The following CORO2B variants were observed in gnomAD, a reference collection of about 807,000 sequenced individuals.
The protein encoded by CORO2B is coronin-2B.
A neutral mutation model predicts 58.8 loss-of-function variants in CORO2B; 26 were observed. The observed-to-expected ratio is 0.44, with a 90% CI of 0.32 to 0.61. CORO2B has a LOEUF of 0.61. Among genes scored for constraint, CORO2B ranks in the 20% least tolerant of loss-of-function variants. The pLI is 0.04. For missense variants in CORO2B, 460 were observed against 645.1 expected (o/e 0.71, Z 3.11); for synonymous variants, 242 against 253.8 (o/e 0.95, Z 0.44).
At chr15:68,562,694 G>A in the CORO2B span, among the ~76,000 whole-genome samples, 1 of 152,246 alleles carries the variant, frequency 6.6e-6, no homozygotes, top group Non-Finnish European at 1.5e-5. Context: ...ATGAAAACAG[G>A]CCAGGCACGG....
At chr15:68,637,339 A>G (rs1231714534) in intron 1 of CORO2B, among the ~76,000 whole-genome samples, 1 of 152,220 alleles carries the variant, frequency 6.6e-6, no homozygotes, top group Non-Finnish European at 1.5e-5. Flanking sequence ...CTCCTCCAGT[A>G]TGGAAACATG....
chr15:68,657,891 C>A (rs972260774), intron 2 of CORO2B, among the ~76,000 whole-genome samples: 2 of 152,126 alleles, frequency 1.3e-5, no homozygotes, highest in Non-Finnish European at 2.9e-5. Context: ...AGATTAAAGA[C>A]CTTGGAAATA....
the CORO2B span, among the ~76,000 whole-genome samples, chr15:68,536,336 A>C: frequency 6.6e-6 from 1 of 152,222 alleles, no homozygotes; most frequent in Non-Finnish European, 1.5e-5. Flanking sequence ...TGTGACTTGC[A>C]AAGGTTGGTT....
intron 1 of CORO2B, among the ~76,000 whole-genome samples, chr15:68,621,495 G>A (rs79806506): frequency 6.6e-6 from 1 of 152,186 alleles, no homozygotes; most frequent in Non-Finnish European, 1.5e-5. Flanking sequence ...AAGGGGACCT[G>A]CCCAGGGTTC....
chr15:68,543,474 G>C, the CORO2B span, among the ~76,000 whole-genome samples: 4 of 152,170 alleles, frequency 2.6e-5, no homozygotes, highest in African/African-American at 9.7e-5. Flanking sequence ...CAGAGACAGA[G>C]GATAAGAGCA....
chr15:68,587,321 A>C (rs140195588), intron 1 of CORO2B, among the ~76,000 whole-genome samples: 1 of 152,276 alleles, frequency 6.6e-6, no homozygotes, highest in East Asian at 1.9e-4. Flanking sequence ...TGTCCCCTGT[A>C]TGAGATAAGT....
the CORO2B span, among the ~76,000 whole-genome samples, chr15:68,549,877 G>A: frequency 6.6e-6 from 1 of 151,966 alleles, no homozygotes; most frequent in African/African-American, 2.4e-5. Context: ...GAAGATGGAG[G>A]TTGCAGTGAG....
chr15:68,609,972 A>T (rs566427716), intron 1 of CORO2B, among the ~76,000 whole-genome samples: 1 of 152,176 alleles, frequency 6.6e-6, no homozygotes, highest in South Asian at 2.1e-4. Context: ...TAATTGTGCA[A>T]CCAGCCTCTC....
At chr15:68,630,270 A>G (rs898086960) in intron 1 of CORO2B, among the ~76,000 whole-genome samples, 10 of 152,156 alleles carry the variant, frequency 6.6e-5, no homozygotes, top group African/African-American at 2.4e-4. Flanking sequence ...GGCAGCATGA[A>G]CTTGACTATC....
the CORO2B span, among the ~76,000 whole-genome samples, chr15:68,537,519 A>G: frequency 6.6e-6 from 1 of 152,118 alleles, no homozygotes; most frequent in Non-Finnish European, 1.5e-5. Flanking sequence ...TCTATGGTAC[A>G]TGTGCAGGGT....
intron 2 of CORO2B, among the ~76,000 whole-genome samples, chr15:68,649,297 A>G (rs1210054851): frequency 6.6e-6 from 1 of 152,184 alleles, no homozygotes; most frequent in Non-Finnish European, 1.5e-5. Context: ...TTGATTAATC[A>G]TGGACTTATT....
the CORO2B span, among the ~76,000 whole-genome samples, chr15:68,570,268 G>A: frequency 4.6e-5 from 7 of 152,280 alleles, no homozygotes; most frequent in East Asian, 1.2e-3. Context: ...TGGGATCCTC[G>A]GAAGGAGCAA....
At chr15:68,622,372 T>C (rs1433827816) in intron 1 of CORO2B, among the ~76,000 whole-genome samples, 1 of 152,164 alleles carries the variant, frequency 6.6e-6, no homozygotes, top group African/African-American at 2.4e-5. Context: ...GGGGAAGACA[T>C]GCCTGATGCT....
chr15:68,725,918 A>G lies in CORO2B; in HGVS notation c.1387A>G (p.Ile463Val), dbSNP rs143153155. 1.2e-6 allele frequency: 2 copies of G among 1,613,928 alleles called. No individual in the cohort carries two copies. The highest frequency in any genetic ancestry group is 1.3e-5 in the African/African-American group (1 of 74,900). Reference sequence around the variant, plus strand: ...GGAGCTGGCCCAGAAGGACATCCGCATTCGGCAGCTCCAGCTGGAACTGAA... The same window carrying G: ...GGAGCTGGCCCAGAAGGACATCCGCGTTCGGCAGCTCCAGCTGGAACTGAA... ...KEELAQKDIR[I>V]RQLQLELKNL... is the part of the protein sequence containing the mutation. Residue 463 changes from isoleucine (I) to valine (V), a missense_variant, in exon 12 of 12, where the codon ATT (isoleucine) becomes GTT (valine). Ile to Val is a conservative substitution (Grantham distance 29). This residue lies in a region of CORO2B where 108 missense variants were observed against 102.1 expected (regional missense o/e 1.06). Coordinates refer to ENST00000261861, the MANE Select transcript of CORO2B (RefSeq NM_006091.5).
chr15:68,688,324 T>C (rs75635207), intron 2 of CORO2B, among the ~76,000 whole-genome samples: 4,693 of 152,286 alleles, frequency 0.031, 222 homozygotes, highest in African/African-American at 0.1. Flanking sequence ...TTGGTTTTTT[T>C]AGATAGGGAT....
intron 2 of CORO2B, among the ~76,000 whole-genome samples, chr15:68,675,948 A>G (rs1902572506): frequency 1.3e-5 from 2 of 148,334 alleles, no homozygotes; most frequent in South Asian, 4.1e-4. Context: ...GGTATAATAT[A>G]GTATAATAAT....
chr15:68,556,521 T>C, the CORO2B span, among the ~76,000 whole-genome samples: 1 of 152,196 alleles, frequency 6.6e-6, no homozygotes, highest in Admixed American at 6.5e-5. Context: ...CACCAGGACC[T>C]ACAGCACTCA....
chr15:68,523,717 C>G, the CORO2B span, among the ~76,000 whole-genome samples: 7 of 152,164 alleles, frequency 4.6e-5, no homozygotes, highest in Admixed American at 4.6e-4. Context: ...TTTTGTTCCT[C>G]TGCTCTATCA....
chr15:68,605,711 GTTTTTTTTTTTTTT>G (rs35340917), intron 1 of CORO2B, among the ~76,000 whole-genome samples: 90 of 99,142 alleles, frequency 9.1e-4, no homozygotes, highest in African/African-American at 3.8e-3. Context: ...GGGCTCTTGG[GTTTTTTTTTTTTTT>G]TTTTTTTTTT....
Sources: gnomAD v4.1 joint callset for allele counts (sites outside exome capture counted in the v4.1 genomes callset) on GRCh38, gnomAD v4.1.1 for gene constraint, gnomAD v4.1.1 regional missense constraint, MANE v1.5 for transcripts, NCBI Gene and HGNC (gene_info 2026-07-23, HGNC 2026-07-21) for gene names.